Variants in FAM20B observed in about 807,000 individuals in gnomAD.
FAM20B encodes FAM20B glycosaminoglycan xylosylkinase, also known as glycosaminoglycan xylosylkinase.
Under a neutral mutation model 43.8 loss-of-function variants are expected in FAM20B, and 23 were observed. That is an observed-to-expected ratio of 0.53 (90% CI 0.38 to 0.74). The LOEUF is 0.74. Among genes scored for constraint, FAM20B ranks in the 30% least tolerant of loss-of-function variants. FAM20B has a pLI of 0.00. For synonymous variants in FAM20B, 178 were observed against 192.4 expected, an observed-to-expected ratio of 0.93 and a Z score of 0.62; for missense variants, 440 against 510.5, an observed-to-expected ratio of 0.86 and a Z score of 1.33.
chr1:179,049,878 TC>T (rs1159230994), intron 2 of FAM20B, among the ~76,000 whole-genome samples: 1 of 152,164 alleles, frequency 6.6e-6, no homozygotes, highest in Non-Finnish European at 1.5e-5. Context: ...CTTCATTTCT[TC>T]AGGTCAGTCT....
At chr1:179,063,283 A>G (rs1651553416) in intron 4 of FAM20B, among the ~76,000 whole-genome samples, 1 of 152,108 alleles carries the variant, frequency 6.6e-6, no homozygotes, top group Middle Eastern at 3.4e-3. Flanking sequence ...TCTCAAAAAA[A>G]AATAAAATAG....
At chr1:179,023,100 G>A (rs1193136801), upstream of FAM20B, among the ~76,000 whole-genome samples, 3 of 152,244 alleles carry the variant, frequency 2.0e-5, no homozygotes, top group African/African-American at 7.2e-5. Context: ...GCCAAGCACA[G>A]GTGTCCCTAT....
chr1:179,069,060 A>G (rs1174099405), intron 7 of FAM20B, among the ~76,000 whole-genome samples: 1 of 152,148 alleles, frequency 6.6e-6, no homozygotes, highest in Non-Finnish European at 1.5e-5. Flanking sequence ...TTCAGAGGGA[A>G]TTGGGGCCAG....
At chr1:179,051,803 C>T (rs1651019862) in intron 3 of FAM20B, among the ~76,000 whole-genome samples, 2 of 152,060 alleles carry the variant, frequency 1.3e-5, no homozygotes, top group South Asian at 2.1e-4. Flanking sequence ...CGCACCACCA[C>T]ACCCAGCTAA....
chr1:179,035,476 T>C lies in FAM20B; in HGVS notation c.-133-8239T>C, dbSNP rs968518312. The C allele has an allele frequency of 1.0e-5, 7 of 697,352 alleles. No homozygotes were observed. In the African/African-American group the frequency reaches 1.1e-4, roughly 11 times the overall value. The allele number at this position is 697,352 out of a possible 1,614,324, so 43.2% of individuals were successfully genotyped here. A position where few individuals can be genotyped will look rare whatever the true frequency, so the allele number is the denominator to read the frequency against. ...AAACAGCTTGGGAAGCACATAGGCA[T>C]TGAAGACGCTGCTTCAGAAATGTCC... is the stretch of plus-strand genomic sequence containing the variant. On this transcript the variant is annotated intron_variant, in intron 1 of 7. Coordinates refer to ENST00000263733, the MANE Select transcript of FAM20B (RefSeq NM_014864.4).
At chr1:179,069,833 A>T (rs992906740) in intron 7 of FAM20B, among the ~76,000 whole-genome samples, 1 of 152,228 alleles carries the variant, frequency 6.6e-6, no homozygotes, top group Non-Finnish European at 1.5e-5. Flanking sequence ...TGCATGCTTT[A>T]TGCAGCAGTC....
At chr1:179,064,726 C>T (rs1194720089) in intron 6 of FAM20B, among the ~76,000 whole-genome samples, 2 of 152,172 alleles carry the variant, frequency 1.3e-5, no homozygotes, top group Non-Finnish European at 2.9e-5. Flanking sequence ...CTCTATGAGC[C>T]TCTTCTCAGA....
intron 3 of FAM20B, among the ~76,000 whole-genome samples, chr1:179,051,735 G>A (rs574781878): frequency 3.0e-4 from 46 of 152,224 alleles, no homozygotes; most frequent in African/African-American, 9.9e-4. Context: ...CAACCTCGAC[G>A]TCCTGGGTTC....
intron 1 of FAM20B, among the ~76,000 whole-genome samples, chr1:179,041,747 CAGGGAAA>C: frequency 7.2e-6 from 1 of 138,834 alleles, no homozygotes; most frequent in African/African-American, 3.0e-5. Flanking sequence ...GGGAGACGGG[CAGGGAAA>C]GGGGAGAGGG....
rs572275800 is a variant in FAM20B at position 179,044,608 on chromosome 1, A to G, written c.377+384A>G. Among the ~76,000 whole-genome samples, 9 of 152,320 alleles carry G rather than the reference A, an allele frequency of 5.9e-5. No individual in the cohort carries two copies. The South Asian group carries it at 1.9e-3, about 32-fold the overall frequency. On this transcript the variant is annotated intron_variant, in intron 2 of 7. Transcript: ENST00000263733. ...AGTAAAGTGCATTTAAGGTTTATACATATCTTTTTGTGGCATGATAGTTCA... is the reference window on the plus strand; with the variant it reads ...AGTAAAGTGCATTTAAGGTTTATACGTATCTTTTTGTGGCATGATAGTTCA...
chr1:179,064,825 C>T (rs1651622218), intron 6 of FAM20B, among the ~76,000 whole-genome samples: 1 of 152,178 alleles, frequency 6.6e-6, no homozygotes, highest in Non-Finnish European at 1.5e-5. Flanking sequence ...TTGAGAAATA[C>T]AGATGTAATA....
Position 179,044,086 on chromosome 1 carries a change from A to G in FAM20B, c.239A>G (p.Glu80Gly). The change falls in exon 2 of 8, where the codon GAG (glutamate) becomes GGG (glycine). Residue 80 changes from glutamate (E) to glycine (G), a missense_variant. Transcript: ENST00000263733. ...GTTCCCCGGGAAGTGTACCCTGAAG[A>G]GACACCAGAGCTGGGGGCAGTCATG... ...WVVPREVYPE[E>G]TPELGAVMHA... 1 of 1,614,170 alleles carries G rather than the reference A, an allele frequency of 6.2e-7. No individual in the cohort carries two copies. Among genetic ancestry groups the G allele is most frequent in the Non-Finnish European group, 8.5e-7 (1 of 1,180,030 alleles).
chr1:179,029,656 G>A lies in FAM20B; in HGVS notation c.-134+3558G>A, dbSNP rs879766930. On this transcript the variant is annotated intron_variant, in intron 1 of 7. Transcript: ENST00000263733. ...GAGAAGAGGGTGCTAACTTGGGCAC[G>A]TTATAAAGGCAGGTCAAGGAATATG... is the stretch of plus-strand genomic sequence containing the variant. Among the ~76,000 whole-genome samples the A allele has an allele frequency of 4.6e-5, 7 of 152,154 alleles. No individual in the cohort carries two copies. In the East Asian group the frequency reaches 1.3e-3, roughly 29 times the overall value.
intron 1 of FAM20B, among the ~76,000 whole-genome samples, chr1:179,036,474 G>T (rs955443840): frequency 3.3e-5 from 5 of 152,076 alleles, no homozygotes; most frequent in African/African-American, 1.2e-4. Context: ...AGGAGCTGAG[G>T]GTGTGAAATA....
intron 1 of FAM20B, among the ~76,000 whole-genome samples, chr1:179,034,865 T>C (rs1650154067): frequency 1.3e-5 from 2 of 152,232 alleles, no homozygotes; most frequent in South Asian, 4.1e-4. Flanking sequence ...TGTTACATTC[T>C]ACTTAAGTCA....
At chr1:179,048,189 A>C (rs1650859767) in intron 2 of FAM20B, among the ~76,000 whole-genome samples, 1 of 152,220 alleles carries the variant, frequency 6.6e-6, no homozygotes, top group Non-Finnish European at 1.5e-5. Context: ...GCAGGGGCCT[A>C]GAAGCGCGTA....
chr1:179,075,985 A>G lies in FAM20B; in HGVS notation c.*3841A>G, dbSNP rs1049628319. ...AAGTATATGTAATGTATATAGTCGT[A>G]TATGTATTCTAGCAAGAAAAACATA... On this transcript the variant is annotated 3_prime_UTR_variant, in exon 8 of 8. Transcript: ENST00000263733. The G allele has an allele frequency of 1.3e-5, 2 of 152,234 alleles. No individual in the cohort carries two copies. The highest frequency in any genetic ancestry group is 4.8e-5 in the African/African-American group (2 of 41,456). The allele number at this position is 152,234 out of a possible 1,614,324, so 9.4% of individuals were successfully genotyped here.
upstream of FAM20B, among the ~76,000 whole-genome samples, chr1:179,021,221 G>T (rs1015526137): frequency 1.3e-5 from 2 of 152,114 alleles, no homozygotes; most frequent in Non-Finnish European, 2.9e-5. Flanking sequence ...TTCCAAGCAG[G>T]GTCTCAAAGA....
At chr1:179,037,028 T>C (rs891301282) in intron 1 of FAM20B, among the ~76,000 whole-genome samples, 4 of 152,192 alleles carry the variant, frequency 2.6e-5, no homozygotes, top group African/African-American at 7.2e-5. Context: ...AGTTGATCCA[T>C]TGTGGCTAAA....
Sources: allele counts gnomAD v4.1 joint callset (sites outside exome capture counted in the v4.1 genomes callset), GRCh38; gene constraint gnomAD v4.1.1; transcripts MANE v1.5; gene names NCBI Gene and HGNC (gene_info 2026-07-23, HGNC 2026-07-21).